SMC5: variants seen among roughly 807,000 people sequenced by gnomAD.
SMC5 encodes the protein structural maintenance of chromosomes 5.
SMC5 carries 88 observed loss-of-function variants against 148.3 expected under a neutral mutation model. The ratio of observed to expected loss-of-function variants is 0.59; its 90% confidence interval spans 0.50 to 0.71. The LOEUF (loss-of-function observed/expected upper bound fraction) is 0.71. Among genes scored for constraint, SMC5 ranks in the 30% least tolerant of loss-of-function variants. The pLI is 0.00. For missense variants in SMC5, 1,142 were observed against 1,298.9 expected, an observed-to-expected ratio of 0.88 and a Z score of 1.86; for synonymous variants, 421 against 432.8, an observed-to-expected ratio of 0.97 and a Z score of 0.34.
intron 9 of SMC5, among the ~76,000 whole-genome samples, 170 bp downstream of exon 9, chr9:70,298,391 T>C (rs1426557651): frequency 1.3e-5 from 2 of 152,188 alleles, no homozygotes; most frequent in Non-Finnish European, 2.9e-5. Context: ...ATCTGTCGTG[T>C]ACTGTAATTT....
At chr9:70,272,497 C>G (rs1016332800) in intron 3 of SMC5, among the ~76,000 whole-genome samples, 6 of 152,012 alleles carry the variant, frequency 3.9e-5, no homozygotes, top group African/African-American at 1.4e-4. Context: ...GGGAGGATTG[C>G]TTGAACTCAG....
chr9:70,267,528 A>G (rs1370995536), intron 2 of SMC5, among the ~76,000 whole-genome samples: 1 of 152,290 alleles, frequency 6.6e-6, no homozygotes, highest in East Asian at 1.9e-4. Context: ...TTGAGTGCTT[A>G]GTGGTTATAC....
rs541401254 is a variant in SMC5 at position 70,261,583 on chromosome 9, A to G, written c.185+2320A>G. On this transcript the variant is annotated intron_variant, in intron 1 of 24. Transcript: ENST00000361138. Reference sequence around the variant, plus strand: ...TTGTGGCATCTAAGAGAGATGTTCTATAGGCAGAATGTAGGAGTCTGGAGC... The same window carrying G: ...TTGTGGCATCTAAGAGAGATGTTCTGTAGGCAGAATGTAGGAGTCTGGAGC... 7.9e-5 allele frequency among the ~76,000 whole-genome samples: 12 copies of G among 152,350 alleles called. No homozygotes were observed. The South Asian group carries it at 1.4e-3, about 18-fold the overall frequency.
Position 70,308,467 on chromosome 9 carries a change from G to A in SMC5, c.1578+3107G>A, listed in dbSNP as rs545734563. Among the ~76,000 whole-genome samples, 135 of 151,656 alleles carry A rather than the reference G, an allele frequency of 8.9e-4. 1 individual carries two copies. The Middle Eastern group carries it at 0.017, about 19-fold the overall frequency. On this transcript the variant is annotated intron_variant, in intron 11 of 24. Coordinates refer to ENST00000361138, the MANE Select transcript of SMC5 (RefSeq NM_015110.4). ...AATTAGCCGGGCGTGGTGGCAGGGC[G>A]CCTGTAGTCCCAGCTACTTGGAGAG...
At chr9:70,277,746 A>G (rs1034347357) in intron 4 of SMC5, among the ~76,000 whole-genome samples, 2 of 152,044 alleles carry the variant, frequency 1.3e-5, no homozygotes, top group African/African-American at 2.4e-5. Context: ...ATGTGCTTCT[A>G]TTTGTAGAAC....
intron 18 of SMC5, among the ~76,000 whole-genome samples, chr9:70,346,162 C>T (rs2036661854): frequency 6.6e-6 from 1 of 152,098 alleles, no homozygotes; most frequent in African/African-American, 2.4e-5. Flanking sequence ...CTATTAGAGT[C>T]AAGTGAGGAT....
chr9:70,334,224 TGTAA>T (rs1438977696), intron 17 of SMC5, among the ~76,000 whole-genome samples: 2 of 151,644 alleles, frequency 1.3e-5, no homozygotes, highest in African/African-American at 4.9e-5. Context: ...CATAGTCATA[TGTAA>T]AAAATGAACT....
At chr9:70,305,901 C>A (rs1446841540) in intron 11 of SMC5, among the ~76,000 whole-genome samples, 3 of 152,100 alleles carry the variant, frequency 2.0e-5, no homozygotes, top group Admixed American at 6.5e-5. Context: ...TCTGGCATTG[C>A]TTCTGACTTG....
At chr9:70,321,392 G>GTT (rs1587690377) in intron 15 of SMC5, among the ~76,000 whole-genome samples, 1 of 138,254 alleles carries the variant, frequency 7.2e-6, no homozygotes. Flanking sequence ...ATTGTCAAAT[G>GTT]TCTTTTTTTT....
In SMC5 at chr9:70,353,404, C is replaced by CT. The variant is rs2036845805; in HGVS notation, c.*1074dup. On this transcript the variant is annotated 3_prime_UTR_variant, in exon 25 of 25. Coordinates refer to ENST00000361138, the MANE Select transcript of SMC5 (RefSeq NM_015110.4). ...AAATGGGAAAATCATTTGTTTATCT[C>CT]TAAGTTATACTAATTAGTAGAACCA... The CT allele has an allele frequency of 6.6e-6, 1 of 152,080 alleles. No individual in the cohort carries two copies. The highest frequency in any genetic ancestry group is 2.4e-5 in the African/African-American group (1 of 41,446). 9.4% of individuals were successfully genotyped at this position (152,080 alleles called of 1,614,324 possible).
chr9:70,343,822 AAAATAAATAAATAAGTAAAT>A (rs1467908407), intron 17 of SMC5, among the ~76,000 whole-genome samples: 1 of 152,140 alleles, frequency 6.6e-6, no homozygotes, highest in Admixed American at 6.6e-5. Context: ...TTGTCTCAAA[AAAATAAATAAATAAGTAAAT>A]AAATAAATAA....
chr9:70,327,674 A>T (rs947349534), intron 17 of SMC5, among the ~76,000 whole-genome samples: 2 of 152,186 alleles, frequency 1.3e-5, no homozygotes, highest in African/African-American at 4.8e-5. Context: ...ATAAACAATA[A>T]AGGAATTAGG....
chr9:70,259,149 C>T lies in SMC5; in HGVS notation c.71C>T (p.Pro24Leu). The T allele has an allele frequency of 1.2e-6, 2 of 1,612,742 alleles. No homozygotes were observed. Among genetic ancestry groups the T allele is most frequent in the Non-Finnish European group, 8.5e-7 (1 of 1,179,416 alleles). ...TCCAAGAGAGCTCTCCCGAGAGACC[C>T]TTCGTCGGAGGTCCCGAGCAAGAGG... is the stretch of plus-strand genomic sequence containing the variant. ...QPSKRALPRD[P>L]SSEVPSKRKN... The change falls in exon 1 of 25, where the codon CCT (proline) becomes CTT (leucine). Residue 24 changes from proline (P) to leucine (L), a missense_variant. Around this residue, in one of 5 missense-constraint regions of SMC5, gnomAD observed 297 missense variants for 302.6 expected, o/e 0.98. Coordinates refer to ENST00000361138, the MANE Select transcript of SMC5 (RefSeq NM_015110.4).
At chr9:70,319,758 A>G (rs1335980951) in intron 15 of SMC5, among the ~76,000 whole-genome samples, 3 of 152,166 alleles carry the variant, frequency 2.0e-5, no homozygotes, top group African/African-American at 7.2e-5. Flanking sequence ...ATTTAGTTAT[A>G]GCATGCATTG....
chr9:70,305,004 TAG>T (rs1452787854), intron 10 of SMC5, among the ~76,000 whole-genome samples: 7 of 152,210 alleles, frequency 4.6e-5, no homozygotes, highest in South Asian at 2.1e-4. Context: ...AGTTATTTCT[TAG>T]ATAGTATCAA....
intron 11 of SMC5, among the ~76,000 whole-genome samples, chr9:70,309,023 T>C (rs973139168): frequency 2.0e-5 from 3 of 152,202 alleles, no homozygotes; most frequent in Admixed American, 6.5e-5. Context: ...TAAGTGTGAA[T>C]AGCATTATGT....
chr9:70,263,300 G>C (rs534940270), intron 1 of SMC5, among the ~76,000 whole-genome samples: 4 of 152,144 alleles, frequency 2.6e-5, no homozygotes, highest in Non-Finnish European at 5.9e-5. Context: ...CTGTGTAGAG[G>C]TGTGGGATTA....
In SMC5 at chr9:70,267,920, T is replaced by C. The variant is rs112345203; in HGVS notation, c.328-3T>C. The C allele has an allele frequency of 4.8e-4, 780 of 1,612,218 alleles. 2 individuals carry two copies. The Middle Eastern group carries it at 7.4e-3, about 15-fold the overall frequency. On this transcript the variant is annotated splice_polypyrimidine_tract_variant and splice_region_variant and intron_variant, in intron 2 of 24. Coordinates refer to ENST00000361138, the MANE Select transcript of SMC5 (RefSeq NM_015110.4). The stretch of plus-strand genomic sequence containing the variant: ...AGCTCACTTTTTCTTTTTTATGTCT[T>C]AGGTTGGGTTTTTTGTGAAGAGAGG...
In SMC5 at chr9:70,342,386, GTAA is replaced by G. The variant is rs1014464509; in HGVS notation, c.2398-1748_2398-1746del. On this transcript the variant is annotated intron_variant, in intron 17 of 24. Coordinates refer to ENST00000361138, the MANE Select transcript of SMC5 (RefSeq NM_015110.4). ...CACATGTACCCTAAAACTTAAAAGT[GTAA>G]TAATAATAAAATAATAAATAATAAT... Among the ~76,000 whole-genome samples the G allele has an allele frequency of 5.9e-5, 9 of 152,018 alleles. No homozygotes were observed. The South Asian group carries it at 1.5e-3, about 25-fold the overall frequency.
Sources: allele counts gnomAD v4.1 joint callset (sites outside exome capture counted in the v4.1 genomes callset), GRCh38; gene constraint gnomAD v4.1.1; regional missense constraint gnomAD v4.1.1; transcripts MANE v1.5; gene names NCBI Gene and HGNC (gene_info 2026-07-23, HGNC 2026-07-21).